FAAH2: variants seen among roughly 807,000 people sequenced by gnomAD.
The protein encoded by FAAH2 is fatty-acid amide hydrolase 2.
Under a neutral mutation model 36.9 loss-of-function variants are expected in FAAH2, and 60 were observed. The ratio of observed to expected loss-of-function variants is 1.63; its 90% CI spans 1.32 to 2.02. The LOEUF (loss-of-function observed/expected upper bound fraction) is 2.02, where lower values mean the gene tolerates loss of function less well. FAAH2 is among the 30% of genes most tolerant of loss of function. FAAH2 has a pLI of 0.00. For missense variants in FAAH2, 689 were observed against 397.5 expected (o/e 1.73, Z -6.23); for synonymous variants, 214 against 143.8 (o/e 1.49, Z -3.49).
At chrX:57,155,604 G>A in the FAAH2 span, among the ~76,000 whole-genome samples, 1 of 112,282 alleles carries the variant, frequency 8.9e-6, no homozygotes, top group East Asian at 2.8e-4. Context: ...TGAGAAAAAA[G>A]CAGGGCTCCC....
chrX:57,240,882 G>A, the FAAH2 span, among the ~76,000 whole-genome samples: 5 of 112,423 alleles, frequency 4.4e-5, no homozygotes, highest in Non-Finnish European at 9.4e-5. Context: ...CTGGTAGATA[G>A]GGGGATGCTC....
chrX:57,446,906 T>C (rs1290286280), intron 8 of FAAH2, 22 bp from the exon 9 acceptor site: 2 of 1,149,892 alleles, frequency 1.7e-6, no homozygotes, highest in Admixed American at 4.5e-5. Flanking sequence ...TCTTGTATTT[T>C]ATTTCTTTCC....
chrX:57,252,345 C>T, the FAAH2 span, among the ~76,000 whole-genome samples: 1 of 112,624 alleles, frequency 8.9e-6, no homozygotes, highest in African/African-American at 3.2e-5. Flanking sequence ...ACAGCTTCTC[C>T]AGACTTAAAT....
the FAAH2 span, chrX:57,136,381 G>C: frequency 1.0e-6 from 1 of 999,858 alleles, no homozygotes; most frequent in Non-Finnish European, 1.3e-6. Context: ...ACCTGATCCA[G>C]AACGGTTCCT....
At chrX:57,419,854 C>G (rs997633911) in intron 7 of FAAH2, among the ~76,000 whole-genome samples, 3 of 111,795 alleles carry the variant, frequency 2.7e-5, no homozygotes, top group Non-Finnish European at 3.8e-5. Context: ...GGTTTTAGGT[C>G]TAACATGTAA....
the FAAH2 span, among the ~76,000 whole-genome samples, chrX:57,244,565 G>A: frequency 9.0e-6 from 1 of 111,422 alleles, no homozygotes; most frequent in Non-Finnish European, 1.9e-5. Context: ...AGAAGAGTGG[G>A]GCCAATATTC....
At chrX:57,407,974 A>G (rs779685440) in intron 7 of FAAH2, among the ~76,000 whole-genome samples, 2 of 111,492 alleles carry the variant, frequency 1.8e-5, no homozygotes, top group Non-Finnish European at 3.8e-5. Flanking sequence ...ACATGGATTT[A>G]GTTTTATTTG....
At chrX:57,284,752 T>A (rs1272700138), upstream of FAAH2, among the ~76,000 whole-genome samples, 1 of 111,606 alleles carries the variant, frequency 9.0e-6, no homozygotes, top group Admixed American at 9.5e-5. Flanking sequence ...TATTTAAGAT[T>A]GTAAAAAAAA....
the FAAH2 span, among the ~76,000 whole-genome samples, chrX:57,230,793 A>C: frequency 9.0e-6 from 1 of 111,111 alleles, no homozygotes; most frequent in Non-Finnish European, 1.9e-5. Flanking sequence ...TTTTGGCTTG[A>C]CTTTGATTTC....
At chrX:57,261,299 T>C in the FAAH2 span, among the ~76,000 whole-genome samples, 1 of 110,810 alleles carries the variant, frequency 9.0e-6, no homozygotes, top group African/African-American at 3.3e-5. Context: ...AGATCTGTAA[T>C]CCCAGCTCTT....
intron 5 of FAAH2, among the ~76,000 whole-genome samples, chrX:57,343,599 G>A (rs760451662): frequency 4.0e-4 from 44 of 110,675 alleles, no homozygotes; most frequent in East Asian, 2.3e-3. Context: ...AATTTCTTTC[G>A]CTATGCTGTA....
chrX:57,286,887 T>C lies in FAAH2; in HGVS notation c.62T>C (p.Ile21Thr). Residue 21 changes from isoleucine (I) to threonine (T), a missense_variant, in exon 1 of 11, where the codon ATA becomes ACA. By Grantham distance (89) the Ile-to-Thr change is moderately conservative. Coordinates refer to ENST00000374900, the MANE Select transcript of FAAH2 (RefSeq NM_174912.4). The stretch of plus-strand genomic sequence containing the variant: ...CTCTTGCGGGCGCTAGGCTTTCTCA[T>C]AGGCTTAGTAGGCCGAGCAGCTTTA... ...LFLLRALGFLIGLVGRAALVL... is the reference protein window; with the variant it reads ...LFLLRALGFLTGLVGRAALVL... 1.7e-6 allele frequency: 2 copies of C among 1,200,625 alleles called. No homozygotes were observed. Among genetic ancestry groups the C allele is most frequent in the Non-Finnish European group, 1.1e-6 (1 of 889,997 alleles).
the FAAH2 span, among the ~76,000 whole-genome samples, chrX:57,207,647 G>A: frequency 8.9e-6 from 1 of 112,400 alleles, no homozygotes; most frequent in Non-Finnish European, 1.9e-5. Context: ...GGGAACAGAA[G>A]TAGATATAAC....
intron 10 of FAAH2, among the ~76,000 whole-genome samples, chrX:57,459,625 TG>T (rs1391629334): frequency 8.0e-5 from 9 of 112,212 alleles, no homozygotes; most frequent in Non-Finnish European, 1.7e-4. Context: ...AGTGCCCCTC[TG>T]GGATTAAGCT....
chrX:57,198,241 A>G, the FAAH2 span, among the ~76,000 whole-genome samples: 1 of 111,323 alleles, frequency 9.0e-6, no homozygotes, highest in Non-Finnish European at 1.9e-5. Context: ...CTTTGGTAGG[A>G]ATTGCTGTGA....
intron 3 of FAAH2, among the ~76,000 whole-genome samples, chrX:57,318,202 T>G (rs1356385592): frequency 3.2e-5 from 2 of 62,941 alleles, no homozygotes; most frequent in Non-Finnish European, 9.6e-5. Flanking sequence ...CAACAAACCC[T>G]TCAAAAAAAA....
the FAAH2 span, among the ~76,000 whole-genome samples, chrX:57,203,149 C>G: frequency 8.9e-6 from 1 of 111,835 alleles, no homozygotes; most frequent in Admixed American, 9.5e-5. Flanking sequence ...GAGCCCTGAA[C>G]AGAGATTTAC....
chrX:57,266,202 G>T, the FAAH2 span, among the ~76,000 whole-genome samples: 3 of 111,250 alleles, frequency 2.7e-5, no homozygotes, highest in Non-Finnish European at 5.7e-5. Flanking sequence ...CTACAGGTGT[G>T]TTCGGGCTGG....
At chrX:57,150,291 C>A in the FAAH2 span, among the ~76,000 whole-genome samples, 1 of 111,653 alleles carries the variant, frequency 9.0e-6, no homozygotes, top group African/African-American at 3.3e-5. Context: ...TGGTGCACAG[C>A]TGAGTTGAAT....
Sources: gnomAD v4.1 joint callset for allele counts (sites outside exome capture counted in the v4.1 genomes callset) on GRCh38, gnomAD v4.1.1 for gene constraint, MANE v1.5 for transcripts, NCBI Gene and HGNC (gene_info 2026-07-23, HGNC 2026-07-21) for gene names.